The following SH3RF2 variants were observed in gnomAD, a reference collection of about 807,000 sequenced individuals.
SH3RF2 encodes SH3 domain containing ring finger 2.
In SH3RF2, 43 loss-of-function variants were observed where a neutral mutation model predicts 59.0. The ratio of observed to expected loss-of-function variants is 0.73; its 90% confidence interval spans 0.57 to 0.94. The LOEUF (loss-of-function observed/expected upper bound fraction) is 0.94, where lower values mean the gene tolerates loss of function less well. Ranked by LOEUF, SH3RF2 falls within the 40% of genes least tolerant of loss-of-function variation. The pLI, the probability that SH3RF2 is intolerant of heterozygous loss-of-function variation, is 0.00. For missense variants in SH3RF2, 930 were observed against 940.1 expected (o/e 0.99, Z 0.14); for synonymous variants, 391 against 391.5 (o/e 1.00, Z 0.01).
At chr5:146,064,812 GAAAGAAAGAAA>G (rs1561773813), downstream of SH3RF2, among the ~76,000 whole-genome samples, 65 of 9,894 alleles carry the variant, frequency 6.6e-3, no homozygotes, top group African/African-American at 8.2e-3. Context: ...AGGAAGGAAA[GAAAGAAAGAAA>G]GAAAGAAAGA....
intron 5 of SH3RF2, among the ~76,000 whole-genome samples, chr5:146,028,783 C>T (rs1252366967): frequency 2.6e-5 from 4 of 152,118 alleles, no homozygotes; most frequent in Admixed American, 1.3e-4. Context: ...CTGAATAGCC[C>T]CAGCAGACCA....
At chr5:146,019,300 A>G (rs1377202965) in intron 5 of SH3RF2, among the ~76,000 whole-genome samples, 2 of 152,114 alleles carry the variant, frequency 1.3e-5, no homozygotes, top group Non-Finnish European at 2.9e-5. Flanking sequence ...GGTGAGAGGT[A>G]AGGATTCAGT....
intron 4 of SH3RF2, 34 bp from the exon 5 acceptor site, chr5:146,013,713 G>A (rs1483327898): frequency 6.2e-7 from 1 of 1,610,288 alleles, no homozygotes; most frequent in African/African-American, 1.3e-5. Context: ...AGATCAGGAA[G>A]ACAAACTTCT....
At chr5:145,982,365 A>G (rs1294014983) in intron 2 of SH3RF2, among the ~76,000 whole-genome samples, 3 of 152,298 alleles carry the variant, frequency 2.0e-5, no homozygotes, top group African/African-American at 7.2e-5. Context: ...ATTTCATAGC[A>G]CACCAAACAG....
At chr5:146,017,303 C>T (rs1291153151) in intron 5 of SH3RF2, among the ~76,000 whole-genome samples, 1 of 152,090 alleles carries the variant, frequency 6.6e-6, no homozygotes, top group African/African-American at 2.4e-5. Context: ...TGGGAGAGTC[C>T]TGGAGACAAA....
At chr5:146,006,705 T>C (rs1193027005) in intron 4 of SH3RF2, among the ~76,000 whole-genome samples, 1 of 152,062 alleles carries the variant, frequency 6.6e-6, no homozygotes, top group Non-Finnish European at 1.5e-5. Context: ...TCATAAACCA[T>C]CCTGTATAGT....
chr5:146,005,626 T>C, intron 4 of SH3RF2, among the ~76,000 whole-genome samples: 1 of 152,060 alleles, frequency 6.6e-6, no homozygotes, highest in East Asian at 1.9e-4. Flanking sequence ...CATTCCTAAT[T>C]CTCATTCCTA....
At chr5:145,943,006 C>T (rs1295249874) in intron 2 of SH3RF2, among the ~76,000 whole-genome samples, 3 of 152,054 alleles carry the variant, frequency 2.0e-5, no homozygotes, top group East Asian at 3.9e-4. Flanking sequence ...ATAATAAAGG[C>T]ATACTTATAT....
At chr5:145,998,657 C>T (rs376093853) in intron 2 of SH3RF2, among the ~76,000 whole-genome samples, 1 of 152,172 alleles carries the variant, frequency 6.6e-6, no homozygotes, top group Non-Finnish European at 1.5e-5. Context: ...TGGCTCACGC[C>T]TGTAATGCCC....
At chr5:146,029,600 T>C (rs1022716513) in intron 5 of SH3RF2, among the ~76,000 whole-genome samples, 2 of 152,252 alleles carry the variant, frequency 1.3e-5, no homozygotes, top group Admixed American at 1.3e-4. Context: ...AACAAGCTTC[T>C]GTGCTATTTG....
intron 2 of SH3RF2, chr5:145,997,878 A>G: frequency 9.9e-7 from 1 of 1,009,518 alleles, no homozygotes; most frequent in African/African-American, 1.6e-5. Context: ...GCCCTTGCCA[A>G]CAGAACTCAG....
intron 5 of SH3RF2, among the ~76,000 whole-genome samples, chr5:146,030,268 G>A (rs562813613): frequency 6.6e-6 from 1 of 152,136 alleles, no homozygotes; most frequent in Non-Finnish European, 1.5e-5. Context: ...TGTCTACCAT[G>A]TGCCCATGTG....
At chr5:145,984,373 G>A (rs1759621396) in intron 2 of SH3RF2, among the ~76,000 whole-genome samples, 1 of 152,168 alleles carries the variant, frequency 6.6e-6, no homozygotes, top group African/African-American at 2.4e-5. Context: ...CCCAGGCTTT[G>A]GGGAAGGAGA....
chr5:145,968,161 CA>C (rs1234051288), intron 2 of SH3RF2, among the ~76,000 whole-genome samples: 1 of 152,156 alleles, frequency 6.6e-6, no homozygotes, highest in Non-Finnish European at 1.5e-5. Context: ...CCTAATCTAT[CA>C]AAATGTACAA....
intron 5 of SH3RF2, among the ~76,000 whole-genome samples, chr5:146,015,867 A>C (rs1190121655): frequency 6.6e-6 from 1 of 152,216 alleles, no homozygotes; most frequent in Non-Finnish European, 1.5e-5. Context: ...GTGGATTATA[A>C]GTATTTCTAC....
chr5:145,974,732 A>G (rs1026403777), intron 2 of SH3RF2, among the ~76,000 whole-genome samples: 4 of 152,194 alleles, frequency 2.6e-5, no homozygotes, highest in Non-Finnish European at 5.9e-5. Context: ...TGTTTCTGCT[A>G]CACTCTATAG....
intron 4 of SH3RF2, among the ~76,000 whole-genome samples, chr5:146,013,376 C>T (rs979464030): frequency 1.3e-5 from 2 of 152,086 alleles, no homozygotes; most frequent in Admixed American, 6.5e-5. Context: ...CAGGGGATTC[C>T]AGGATGGCTA....
chr5:146,009,360 T>C (rs1049265323), intron 4 of SH3RF2, among the ~76,000 whole-genome samples: 2 of 152,196 alleles, frequency 1.3e-5, no homozygotes, highest in African/African-American at 4.8e-5. Context: ...TTTTATCACC[T>C]TCTCCTTACA....
At chr5:145,965,358 G>A (rs930417431) in intron 2 of SH3RF2, among the ~76,000 whole-genome samples, 1 of 152,102 alleles carries the variant, frequency 6.6e-6, no homozygotes, top group Non-Finnish European at 1.5e-5. Context: ...AGAGTCTTGG[G>A]AGTTCACTTG....
Sources: gnomAD v4.1 joint callset for allele counts (sites outside exome capture counted in the v4.1 genomes callset) on GRCh38, gnomAD v4.1.1 for gene constraint, MANE v1.5 for transcripts, NCBI Gene and HGNC (gene_info 2026-07-23, HGNC 2026-07-21) for gene names.